FRMPD4: variants seen among roughly 807,000 people sequenced by gnomAD.
The protein encoded by FRMPD4 is FERM and PDZ domain-containing protein 4.
Under a neutral mutation model 94.1 loss-of-function variants are expected in FRMPD4, and 22 were observed. The ratio of observed to expected loss-of-function variants is 0.23; its 90% CI spans 0.17 to 0.33. The LOEUF (loss-of-function observed/expected upper bound fraction) is 0.33, where lower values mean the gene tolerates loss of function less well. FRMPD4 is among the 10% of genes least tolerant of loss of function. The pLI is 1.00. For synonymous variants in FRMPD4, 631 were observed against 548.6 expected (o/e 1.15, Z -2.10); for missense variants, 1,111 against 1,339.9 (o/e 0.83, Z 2.67).
At chrX:12,053,420 A>AAG (rs2054834760) in intron 3 of FRMPD4, among the ~76,000 whole-genome samples, 2 of 95,118 alleles carry the variant, frequency 2.1e-5, no homozygotes, top group Non-Finnish European at 4.3e-5. Flanking sequence ...GAAAGAAAGA[A>AAG]AGAAAGAAAG....
chrX:12,143,918 G>T (rs1684592046), intron 1 of FRMPD4, among the ~76,000 whole-genome samples: 1 of 111,923 alleles, frequency 8.9e-6, no homozygotes, highest in Admixed American at 9.5e-5. Flanking sequence ...CTTATTCTTT[G>T]GTCACTAAGT....
chrX:12,046,624 C>T (rs1350482041), intron 3 of FRMPD4, among the ~76,000 whole-genome samples: 2 of 111,688 alleles, frequency 1.8e-5, no homozygotes, highest in African/African-American at 3.3e-5. Context: ...ATCAGGGAAA[C>T]ATACTTACAG....
chrX:11,943,325 A>G (rs747181001), intron 3 of FRMPD4, among the ~76,000 whole-genome samples: 41 of 110,940 alleles, frequency 3.7e-4, no homozygotes, highest in South Asian at 7.6e-4. Flanking sequence ...ATCCTTTGTC[A>G]TTTCTTCCCC....
chrX:11,961,653 C>G (rs758066780), intron 3 of FRMPD4, among the ~76,000 whole-genome samples: 6 of 111,406 alleles, frequency 5.4e-5, no homozygotes, highest in Non-Finnish European at 1.1e-4. Context: ...CTATGCGGTA[C>G]CTTCAAAGAA....
chrX:12,399,381 A>G (rs1225877317), intron 1 of FRMPD4, among the ~76,000 whole-genome samples: 1 of 111,436 alleles, frequency 9.0e-6, no homozygotes, highest in Non-Finnish European at 1.9e-5. Flanking sequence ...AGAGATAGAG[A>G]TGTAGATATA....
chrX:12,541,751 T>C (rs1254276167), intron 2 of FRMPD4, among the ~76,000 whole-genome samples: 1 of 111,963 alleles, frequency 8.9e-6, no homozygotes, highest in Non-Finnish European at 1.9e-5. Flanking sequence ...GAGGCCAGCA[T>C]CATCCTGATA....
At chrX:12,057,664 G>A (rs759634637) in intron 3 of FRMPD4, among the ~76,000 whole-genome samples, 1 of 111,199 alleles carries the variant, frequency 9.0e-6, no homozygotes, top group South Asian at 3.9e-4. Context: ...GGTTAAGTGG[G>A]TCCTCTGCTC....
chrX:11,896,272 C>G (rs1172271276), intron 3 of FRMPD4, among the ~76,000 whole-genome samples: 1 of 112,111 alleles, frequency 8.9e-6, no homozygotes, highest in Non-Finnish European at 1.9e-5. Context: ...ATCTTTTCAC[C>G]CCCCGCAGTG....
At chrX:12,231,012 A>ATG (rs1357310733) in intron 1 of FRMPD4, among the ~76,000 whole-genome samples, 1,380 of 55,239 alleles carry the variant, frequency 0.025, 69 homozygotes, top group East Asian at 0.067. Flanking sequence ...AATATATAGT[A>ATG]TATATAGTAT....
In FRMPD4 at chrX:12,492,963, G is replaced by A. The variant is rs151237706; in HGVS notation, c.42-5717G>A. Among the ~76,000 whole-genome samples, 535 of 111,328 alleles carry A rather than the reference G, an allele frequency of 4.8e-3. 2 individuals carry two copies. Among genetic ancestry groups the A allele is most frequent in the Middle Eastern group, 0.023 (5 of 216 alleles). Reference sequence around the variant, plus strand: ...ATGGAATGAAAAGACCTGGTTAGCCGGTTCCTTACTGATTCATGGGGGCAA... The same window carrying A: ...ATGGAATGAAAAGACCTGGTTAGCCAGTTCCTTACTGATTCATGGGGGCAA... On this transcript the variant is annotated intron_variant, in intron 1 of 16. Transcript: ENST00000675598.
intron 14 of FRMPD4, among the ~76,000 whole-genome samples, chrX:12,713,055 G>C (rs1407131479): frequency 9.3e-6 from 1 of 107,150 alleles, no homozygotes; most frequent in Non-Finnish European, 1.9e-5. Context: ...CAGCCTCCAG[G>C]CTGGCTGACA....
chrX:12,004,239 A>T (rs2054539038), intron 3 of FRMPD4, among the ~76,000 whole-genome samples: 1 of 112,293 alleles, frequency 8.9e-6, no homozygotes, highest in Non-Finnish European at 1.9e-5. Context: ...AAGGTCTGCC[A>T]TTCTGATTCG....
intron 1 of FRMPD4, among the ~76,000 whole-genome samples, chrX:12,330,884 C>G (rs2055360140): frequency 8.9e-6 from 1 of 111,924 alleles, no homozygotes; most frequent in African/African-American, 3.2e-5. Context: ...GAATGTGTAG[C>G]TATTCCCTGC....
intron 3 of FRMPD4, among the ~76,000 whole-genome samples, chrX:11,918,614 A>G (rs1216496038): frequency 8.9e-6 from 1 of 111,997 alleles, no homozygotes; most frequent in Non-Finnish European, 1.9e-5. Context: ...AAACAAAAAC[A>G]AAAAAAGAAA....
chrX:12,355,847 G>A (rs1164499315), intron 1 of FRMPD4, among the ~76,000 whole-genome samples: 2 of 111,947 alleles, frequency 1.8e-5, no homozygotes, highest in Non-Finnish European at 3.8e-5. Flanking sequence ...ACTCACAAAA[G>A]GAGAAATAAT....
chrX:12,713,431 G>C (rs1208687889), intron 14 of FRMPD4, among the ~76,000 whole-genome samples: 1 of 110,409 alleles, frequency 9.1e-6, no homozygotes, highest in Non-Finnish European at 1.9e-5. Flanking sequence ...CATTTCTCCC[G>C]GTTTCAAATA....
chrX:11,873,395 A>G (rs1183558779), intron 2 of FRMPD4, among the ~76,000 whole-genome samples: 1 of 111,631 alleles, frequency 9.0e-6, no homozygotes, highest in East Asian at 2.8e-4. Flanking sequence ...GGTCACTTGT[A>G]TCTGTACAAG....
chrX:12,453,382 T>A (rs1461134610), intron 1 of FRMPD4, among the ~76,000 whole-genome samples: 1 of 112,121 alleles, frequency 8.9e-6, no homozygotes, highest in East Asian at 2.8e-4. Context: ...AGATTTTTTG[T>A]TGTTTATATT....
At chrX:12,392,448 C>G (rs1454590951) in intron 1 of FRMPD4, among the ~76,000 whole-genome samples, 1 of 106,248 alleles carries the variant, frequency 9.4e-6, no homozygotes. Flanking sequence ...TTCAGGAGTT[C>G]GAGACCAGCC....
Sources: gnomAD v4.1 joint callset for allele counts (sites outside exome capture counted in the v4.1 genomes callset) on GRCh38, gnomAD v4.1.1 for gene constraint, MANE v1.5 for transcripts, NCBI Gene and HGNC (gene_info 2026-07-23, HGNC 2026-07-21) for gene names.